Variants in SCAPER observed in about 807,000 individuals in gnomAD.
The protein encoded by SCAPER is S phase cyclin A-associated protein in the endoplasmic reticulum.
A neutral mutation model predicts 182.2 loss-of-function variants in SCAPER; 98 were observed. That is an observed-to-expected ratio of 0.54 (90% CI 0.46 to 0.64). SCAPER has a LOEUF of 0.64. Among genes scored for constraint, SCAPER ranks in the 30% least tolerant of loss-of-function variants. SCAPER has a pLI of 0.00. For missense variants in SCAPER, 1,432 were observed against 1,690.0 expected (o/e 0.85, Z 2.68); for synonymous variants, 605 against 564.6 (o/e 1.07, Z -1.01).
Position 76,608,088 on chromosome 15 carries a change from G to A in SCAPER, c.2711+13676C>T, listed in dbSNP as rs184450752. On this transcript the variant is annotated intron_variant, in intron 22 of 31. Coordinates refer to ENST00000563290, the MANE Select transcript of SCAPER (RefSeq NM_020843.4). The stretch of plus-strand genomic sequence containing the variant: ...GTTGCGTTCCTTTGCAGGAGGAGAG[G>A]CGCTCTGATTTTTAGAGTTTCCAGT... 2.2e-3 allele frequency among the ~76,000 whole-genome samples: 342 copies of A among 152,262 alleles called. 1 individual carries two copies. Among genetic ancestry groups the A allele is most frequent in the Middle Eastern group, 0.01 (3 of 294 alleles).
At chr15:76,452,710 T>C (rs1275825390) in intron 25 of SCAPER, among the ~76,000 whole-genome samples, 2 of 152,246 alleles carry the variant, frequency 1.3e-5, no homozygotes, top group African/African-American at 4.8e-5. Context: ...ATGTAGCTGA[T>C]GGAATCACAA....
intron 20 of SCAPER, among the ~76,000 whole-genome samples, chr15:76,693,811 A>C (rs2058507772): frequency 6.6e-6 from 1 of 152,134 alleles, no homozygotes; most frequent in South Asian, 2.1e-4. Context: ...TAGAATAGTG[A>C]TCACCAGGGT....
chr15:76,824,593 T>C (rs2067841391), intron 5 of SCAPER, among the ~76,000 whole-genome samples: 1 of 152,240 alleles, frequency 6.6e-6, no homozygotes, highest in Admixed American at 6.5e-5. Flanking sequence ...AAGAACATCT[T>C]ATCTAGTTTT....
intron 22 of SCAPER, among the ~76,000 whole-genome samples, chr15:76,598,152 G>T (rs1253189976): frequency 8.4e-6 from 1 of 119,566 alleles, no homozygotes; most frequent in African/African-American, 2.5e-5. Flanking sequence ...GATATGAACA[G>T]ACACTTCTCA....
At chr15:76,388,576 A>C (rs1032106808) in intron 27 of SCAPER, among the ~76,000 whole-genome samples, 3 of 152,204 alleles carry the variant, frequency 2.0e-5, no homozygotes, top group African/African-American at 7.2e-5. Flanking sequence ...AGCAGAGGGC[A>C]TTTAAGACTC....
At chr15:76,628,293 T>C (rs952759675) in intron 21 of SCAPER, among the ~76,000 whole-genome samples, 19 of 152,212 alleles carry the variant, frequency 1.2e-4, no homozygotes, top group African/African-American at 4.6e-4. Context: ...TAGATCTCAT[T>C]TGTCAACTTT....
intron 23 of SCAPER, among the ~76,000 whole-genome samples, chr15:76,507,827 GC>G (rs2041724078): frequency 6.6e-6 from 1 of 152,052 alleles, no homozygotes; most frequent in Non-Finnish European, 1.5e-5. Context: ...ATCAAAACCT[GC>G]AAAATCCAGG....
rs532666748 is a variant in SCAPER, at chr15:76,354,674, G to A, written c.3856-534C>T. 6.6e-6 allele frequency: 1 copy of A among 152,340 alleles called. No homozygotes were observed. The highest frequency in any genetic ancestry group is 6.5e-5 in the Admixed American group (1 of 15,302). 9.4% of individuals were successfully genotyped at this position (152,340 alleles called of 1,614,324 possible). A position where few individuals can be genotyped will look rare whatever the true frequency, so the allele number is the denominator to read the frequency against. On this transcript the variant is annotated intron_variant, in intron 29 of 31. Transcript: ENST00000563290. This position sits in a 1 kb window ranked among gnomAD's most constrained non-coding sequence, Gnocchi z 4.4. ...GGAACAGTTTCAAAAAAAGTTATAG[G>A]CTCCAAAAGACCTTTCCTCCAATCT...
chr15:76,585,579 C>T (rs2048589970), intron 22 of SCAPER, among the ~76,000 whole-genome samples: 1 of 152,128 alleles, frequency 6.6e-6, no homozygotes, highest in Admixed American at 6.6e-5. Context: ...TGACATTTGA[C>T]TGAAAATCAG....
intron 29 of SCAPER, among the ~76,000 whole-genome samples, chr15:76,362,572 C>G (rs1395073480): frequency 6.6e-6 from 1 of 151,830 alleles, no homozygotes; most frequent in Non-Finnish European, 1.5e-5. Flanking sequence ...GCCACCATGC[C>G]CGGCTAATTT....
chr15:76,388,545 G>T (rs2043439800), intron 27 of SCAPER, among the ~76,000 whole-genome samples: 1 of 152,196 alleles, frequency 6.6e-6, no homozygotes, highest in Non-Finnish European at 1.5e-5. Flanking sequence ...GGAAGAGGTG[G>T]AAGGTCACAT....
chr15:76,521,918 G>A (rs1206001020), intron 23 of SCAPER, among the ~76,000 whole-genome samples: 1 of 152,010 alleles, frequency 6.6e-6, no homozygotes, highest in East Asian at 1.9e-4. Context: ...CAGATACTAG[G>A]GTACCAATTT....
At chr15:76,414,569 T>G (rs772773640) in intron 26 of SCAPER, among the ~76,000 whole-genome samples, 16 of 151,664 alleles carry the variant, frequency 1.1e-4, no homozygotes, top group Non-Finnish European at 2.2e-4. Flanking sequence ...ATCTTTAAAG[T>G]GCTTCAAGGA....
chr15:76,660,117 A>T (rs896891170), intron 21 of SCAPER, among the ~76,000 whole-genome samples: 1 of 152,220 alleles, frequency 6.6e-6, no homozygotes, highest in Non-Finnish European at 1.5e-5. Context: ...GGAGGTCATT[A>T]TTCTAAGCAA....
chr15:76,482,610 A>G (rs927051714), intron 24 of SCAPER, among the ~76,000 whole-genome samples: 2 of 152,186 alleles, frequency 1.3e-5, no homozygotes, highest in African/African-American at 4.8e-5. Flanking sequence ...AGTTCCAAAG[A>G]TGTGACAAAA....
rs927817826 is a variant in SCAPER, at chr15:76,411,741, T to C, written c.3312-7062A>G. 6.6e-5 allele frequency among the ~76,000 whole-genome samples: 10 copies of C among 152,262 alleles called. No individual in the cohort carries two copies. The East Asian group carries it at 1.5e-3, about 23-fold the overall frequency. ...TTTCATTTCATTCTCCCAGAAACAA[T>C]GTATTAGATCTCCAGTTGTTCTATA... is the stretch of plus-strand genomic sequence containing the variant. On this transcript the variant is annotated intron_variant, in intron 26 of 31. Transcript: ENST00000563290.
chr15:76,426,289 T>C (rs1699490440), intron 26 of SCAPER, among the ~76,000 whole-genome samples: 1 of 152,194 alleles, frequency 6.6e-6, no homozygotes, highest in South Asian at 2.1e-4. Flanking sequence ...CCGCTTTACC[T>C]ACTCAAGCCT....
At chr15:76,668,869 C>A (rs1363126495) in intron 20 of SCAPER, among the ~76,000 whole-genome samples, 1 of 152,024 alleles carries the variant, frequency 6.6e-6, no homozygotes, top group Non-Finnish European at 1.5e-5. Context: ...ATTTTTCAGC[C>A]CTTATTACAC....
chr15:76,413,036 A>C (rs188157193), intron 26 of SCAPER, among the ~76,000 whole-genome samples: 11 of 152,298 alleles, frequency 7.2e-5, no homozygotes, highest in African/African-American at 2.6e-4. Flanking sequence ...GTTGCTATAC[A>C]TAGCGATATG....
Sources: gnomAD v4.1 joint callset for allele counts (sites outside exome capture counted in the v4.1 genomes callset) on GRCh38, gnomAD v4.1.1 for gene constraint, Gnocchi (gnomAD v3.1) non-coding constraint, MANE v1.5 for transcripts, NCBI Gene and HGNC (gene_info 2026-07-23, HGNC 2026-07-21) for gene names.